The following KCNQ5 variants were observed in gnomAD, a reference collection of about 807,000 sequenced individuals.
The protein encoded by KCNQ5 is potassium voltage-gated channel subfamily Q member 5.
Under a neutral mutation model 98.2 loss-of-function variants are expected in KCNQ5, and 30 were observed. The observed-to-expected ratio is 0.31, with a 90% confidence interval of 0.23 to 0.41. The LOEUF (loss-of-function observed/expected upper bound fraction) is 0.41, where lower values mean the gene tolerates loss of function less well. Among genes scored for constraint, KCNQ5 ranks in the 10% least tolerant of loss-of-function variants. The probability of loss-of-function intolerance (pLI) is 1.00; values close to 1 mark genes in which losing one functional copy is unlikely to be tolerated. For missense variants in KCNQ5, 835 were observed against 1,182.5 expected, an observed-to-expected ratio of 0.71 and a Z score of 4.31; for synonymous variants, 458 against 449.4, an observed-to-expected ratio of 1.02 and a Z score of -0.24.
At chr6:72,797,780 C>T (rs546518567) in intron 1 of KCNQ5, among the ~76,000 whole-genome samples, 24 of 151,922 alleles carry the variant, frequency 1.6e-4, no homozygotes, top group African/African-American at 5.3e-4. Context: ...CAAATTTTGG[C>T]CAGTATTTTG....
At chr6:72,760,845 C>T (rs539730475) in intron 1 of KCNQ5, among the ~76,000 whole-genome samples, 11 of 152,142 alleles carry the variant, frequency 7.2e-5, no homozygotes, top group African/African-American at 1.9e-4. Context: ...AAAAAATTTT[C>T]GCAAGGAATG....
At chr6:72,860,317 C>G (rs1403512887) in intron 1 of KCNQ5, among the ~76,000 whole-genome samples, 2 of 152,056 alleles carry the variant, frequency 1.3e-5, no homozygotes, top group African/African-American at 2.4e-5. Context: ...AAACTCTATT[C>G]CAATTCGGTT....
intron 1 of KCNQ5, among the ~76,000 whole-genome samples, chr6:72,790,236 A>G (rs560301667): frequency 1.3e-5 from 2 of 152,332 alleles, no homozygotes. Flanking sequence ...ATAAGCTCCC[A>G]AAGTAGTGAA....
intron 1 of KCNQ5, among the ~76,000 whole-genome samples, chr6:72,980,822 G>T (rs1768404884): frequency 6.6e-6 from 1 of 152,116 alleles, no homozygotes; most frequent in African/African-American, 2.4e-5. Flanking sequence ...GTCATAAATA[G>T]CTCTTATTAT....
At position 72,697,191 on chromosome 6, in the gene KCNQ5, G is replaced by A. The variant is rs556059411; in HGVS notation, c.398+74604G>A. On this transcript the variant is annotated intron_variant, in intron 1 of 13. Transcript: ENST00000370398. ...TTGAGCGATCTTTTCCCTGTGAAAC[G>A]GTACTTCAGTGAGGATTGATTTTGT... is the stretch of plus-strand genomic sequence containing the variant. Among the ~76,000 whole-genome samples, 14 of 152,204 alleles carry A rather than the reference G, an allele frequency of 9.2e-5. 1 individual carries two copies. In the South Asian group the frequency reaches 1.0e-3, roughly 11 times the overall value.
At chr6:72,911,219 G>A (rs1779930027) in intron 1 of KCNQ5, among the ~76,000 whole-genome samples, 1 of 152,156 alleles carries the variant, frequency 6.6e-6, no homozygotes, top group African/African-American at 2.4e-5. Context: ...CCAAATTTAT[G>A]TTGAAATCCT....
intron 11 of KCNQ5, among the ~76,000 whole-genome samples, chr6:73,185,431 C>T (rs1296972560): frequency 1.3e-5 from 2 of 152,202 alleles, no homozygotes; most frequent in African/African-American, 2.4e-5. Flanking sequence ...ATCCTCCCTC[C>T]TCAGCCCCCC....
chr6:72,936,429 G>A (rs1765921322), intron 1 of KCNQ5, among the ~76,000 whole-genome samples: 1 of 152,026 alleles, frequency 6.6e-6, no homozygotes, highest in Non-Finnish European at 1.5e-5. Flanking sequence ...CTGATTCATA[G>A]CAAACACTCA....
intron 1 of KCNQ5, among the ~76,000 whole-genome samples, chr6:72,650,176 T>A (rs1325189446): frequency 6.6e-6 from 1 of 152,150 alleles, no homozygotes; most frequent in Non-Finnish European, 1.5e-5. Flanking sequence ...TAATCTGTAT[T>A]AGGTCATTCA....
chr6:72,987,055 T>A (rs1022868794), intron 1 of KCNQ5: 2 of 722,382 alleles, frequency 2.8e-6, no homozygotes, highest in Non-Finnish European at 4.8e-6. Flanking sequence ...TTCAGGTCCA[T>A]GGAGAGCAGC....
intron 1 of KCNQ5, among the ~76,000 whole-genome samples, chr6:72,656,048 C>A (rs1368420872): frequency 2.6e-5 from 4 of 152,174 alleles, no homozygotes; most frequent in Non-Finnish European, 5.9e-5. Context: ...TGGCACAGAT[C>A]TGAGAGTAAC....
rs1765859586 is a variant in KCNQ5, at chr6:73,198,027, T to C, written c.*2613T>C. The C allele has an allele frequency of 1.3e-5, 2 of 152,186 alleles. No homozygotes were observed. Among genetic ancestry groups the C allele is most frequent in the South Asian group, 4.2e-4 (2 of 4,818 alleles). 9.4% of individuals were successfully genotyped at this position (152,186 alleles called of 1,614,324 possible). On this transcript the variant is annotated 3_prime_UTR_variant, in exon 14 of 14. Coordinates refer to ENST00000370398, the MANE Select transcript of KCNQ5 (RefSeq NM_019842.4). ...AAAATTGGGGGATGTTAAAAGATAG[T>C]TGTGTGGAAGCTATAAGGTTCTGTC...
chr6:73,196,980 C>T lies in KCNQ5; in HGVS notation c.*1566C>T, dbSNP rs1053110493. 10 of 151,990 alleles carry T rather than the reference C, an allele frequency of 6.6e-5. No homozygotes were observed. The highest frequency in any genetic ancestry group is 1.0e-4 in the Non-Finnish European group (7 of 68,008). 9.4% of individuals were successfully genotyped at this position (151,990 alleles called of 1,614,324 possible). A position where few individuals can be genotyped will look rare whatever the true frequency, so the allele number is the denominator to read the frequency against. On this transcript the variant is annotated 3_prime_UTR_variant, in exon 14 of 14. Coordinates refer to ENST00000370398, the MANE Select transcript of KCNQ5 (RefSeq NM_019842.4). ...CATTTCAATTCAATTAAACCCTAGC[C>T]ACAGGAGGACTCAAGAAAGGAAGTT...
chr6:72,987,820 A>G (rs1768870149), intron 1 of KCNQ5: 1 of 366,580 alleles, frequency 2.7e-6, no homozygotes, highest in South Asian at 3.4e-5. Context: ...GGAGATTACA[A>G]GTTTTTTTTG....
chr6:72,913,276 A>T (rs1780012860), intron 1 of KCNQ5, among the ~76,000 whole-genome samples: 2 of 152,130 alleles, frequency 1.3e-5, no homozygotes, highest in Admixed American at 1.3e-4. Flanking sequence ...GGAACTCTCA[A>T]GTTAGCCCTT....
intron 1 of KCNQ5, among the ~76,000 whole-genome samples, chr6:72,937,954 A>G (rs913066461): frequency 8.5e-5 from 13 of 152,180 alleles, no homozygotes; most frequent in African/African-American, 2.7e-4. Flanking sequence ...ATAACTTACA[A>G]TTGGGAAATG....
At chr6:73,120,371 A>T in intron 7 of KCNQ5, 112 bp from the exon 8 acceptor site, 1 of 713,156 alleles carries the variant, frequency 1.4e-6, no homozygotes, top group South Asian at 2.5e-5. Context: ...AGGGCTAAGT[A>T]TAAGAGGCAA....
chr6:72,769,047 C>T (rs1162305409), intron 1 of KCNQ5, among the ~76,000 whole-genome samples: 4 of 152,062 alleles, frequency 2.6e-5, no homozygotes, highest in Non-Finnish European at 1.5e-5. Context: ...CCCGGAAGTC[C>T]TCAAGTAGTA....
Position 73,196,593 on chromosome 6 carries a change from G to A in KCNQ5, c.*1179G>A, listed in dbSNP as rs1199588753. The A allele has an allele frequency of 6.6e-6, 1 of 152,094 alleles. No homozygotes were observed. The highest frequency in any genetic ancestry group is 1.5e-5 in the Non-Finnish European group (1 of 68,034). The allele number at this position is 152,094 out of a possible 1,614,324, so 9.4% of individuals were successfully genotyped here. A position where few individuals can be genotyped will look rare whatever the true frequency, so the allele number is the denominator to read the frequency against. On this transcript the variant is annotated 3_prime_UTR_variant, in exon 14 of 14. Transcript: ENST00000370398. ...ATTTATTTTTTAATATGCCCTGAATGTCTTTTGCTATTATGTGTACATTTT... is the reference window on the plus strand; with the variant it reads ...ATTTATTTTTTAATATGCCCTGAATATCTTTTGCTATTATGTGTACATTTT...
Sources: gnomAD v4.1 joint callset for allele counts (sites outside exome capture counted in the v4.1 genomes callset) on GRCh38, gnomAD v4.1.1 for gene constraint, MANE v1.5 for transcripts, NCBI Gene and HGNC (gene_info 2026-07-23, HGNC 2026-07-21) for gene names.